ARF1: variants seen among roughly 807,000 people sequenced by gnomAD.
The protein encoded by ARF1 is ARF GTPase 1.
ARF1 carries 1 observed loss-of-function variant against 18.0 expected under a neutral mutation model. That is an observed-to-expected ratio of 0.06 (90% CI 0.02 to 0.26). The LOEUF (loss-of-function observed/expected upper bound fraction) is 0.26. Ranked by LOEUF, ARF1 falls within the 10% of genes least tolerant of loss-of-function variation. The pLI is 1.00. For missense variants in ARF1, 73 were observed against 247.2 expected (o/e 0.30, Z 4.73); for synonymous variants, 112 against 96.3 (o/e 1.16, Z -0.95).
intron 1 of ARF1, among the ~76,000 whole-genome samples, chr1:228,083,696 G>A (rs1428980396): frequency 1.3e-5 from 2 of 152,246 alleles, no homozygotes; most frequent in African/African-American, 4.8e-5. Context: ...AGGCCGCAGA[G>A]GCCGGCCCCA....
At position 228,097,514 on chromosome 1, in the gene ARF1, T is replaced by C. The variant is rs1326850236; in HGVS notation, c.259+62T>C. 3 of 1,613,194 alleles carry C rather than the reference T, an allele frequency of 1.9e-6. No homozygotes were observed. The highest frequency in any genetic ancestry group is 2.2e-5 in the East Asian group (1 of 44,844). On this transcript the variant is annotated intron_variant, in intron 3 of 4. Transcript: ENST00000272102. This position sits in a 1 kb window ranked among gnomAD's most constrained non-coding sequence, Gnocchi z 8.1. Reference sequence around the variant, plus strand: ...CTTCTAGAGAGGGGGGGCCAGCCCATAGATGGGGCATCGATGCCCATAGAT... The same window carrying C: ...CTTCTAGAGAGGGGGGGCCAGCCCACAGATGGGGCATCGATGCCCATAGAT...
chr1:228,085,199 C>T (rs568988721), intron 1 of ARF1, among the ~76,000 whole-genome samples: 29 of 152,358 alleles, frequency 1.9e-4, no homozygotes, highest in Middle Eastern at 3.4e-3. Flanking sequence ...GCATTCTGCC[C>T]GTAGCGTCTG....
chr1:228,091,398 C>T (rs1026143503), intron 1 of ARF1, among the ~76,000 whole-genome samples: 3 of 152,064 alleles, frequency 2.0e-5, no homozygotes, highest in African/African-American at 4.8e-5. Context: ...GTCACTGTGT[C>T]GAGTTGTAAT....
intron 1 of ARF1, among the ~76,000 whole-genome samples, chr1:228,086,149 A>G (rs2032390920): frequency 6.6e-6 from 1 of 152,232 alleles, no homozygotes; most frequent in South Asian, 2.1e-4. Context: ...AGTAGTTAAC[A>G]GCATCTACAG....
At position 228,097,153 on chromosome 1, in the gene ARF1, T is replaced by C. The variant is rs2032775077; in HGVS notation, c.39T>C (p.Phe13=). ...TCGCCAACCTCTTCAAGGGCCTTTT[T>C]GGCAAAAAAGAAATGCGCATCCTCA... ...NIFANLFKGL[F]GKKEMRILMV... The change falls in exon 2 of 5, where the codon TTT becomes TTC. Residue 13 remains phenylalanine, a synonymous_variant. Transcript: ENST00000272102. This position sits in a 1 kb window ranked among gnomAD's most constrained non-coding sequence, Gnocchi z 8.1. 1 of 1,613,232 alleles carries C rather than the reference T, an allele frequency of 6.2e-7. No homozygotes were observed. The highest frequency in any genetic ancestry group is 8.5e-7 in the Non-Finnish European group (1 of 1,179,644).
rs1255901998 is a variant in ARF1, at chr1:228,097,504, G to C, written c.259+52G>C. The stretch of plus-strand genomic sequence containing the variant: ...GGCACTCCTGCTTCTAGAGAGGGGG[G>C]GCCAGCCCATAGATGGGGCATCGAT... On this transcript the variant is annotated intron_variant, in intron 3 of 4. Coordinates refer to ENST00000272102, the MANE Select transcript of ARF1 (RefSeq NM_001658.4). This position sits in a 1 kb window ranked among gnomAD's most constrained non-coding sequence, Gnocchi z 8.1. 3.1e-6 allele frequency: 5 copies of C among 1,613,748 alleles called. No individual in the cohort carries two copies. The highest frequency in any genetic ancestry group is 4.2e-6 in the Non-Finnish European group (5 of 1,179,784).
intron 1 of ARF1, among the ~76,000 whole-genome samples, chr1:228,093,759 A>G (rs912514876): frequency 6.6e-6 from 1 of 151,822 alleles, no homozygotes; most frequent in African/African-American, 2.4e-5. Context: ...CCCCGTCTCT[A>G]CTAAAAATAA....
intron 1 of ARF1, among the ~76,000 whole-genome samples, chr1:228,093,074 C>T (rs2032623243): frequency 6.6e-6 from 1 of 152,188 alleles, no homozygotes; most frequent in Non-Finnish European, 1.5e-5. Context: ...CCACTGGTGG[C>T]TCCTGGCATC....
At chr1:228,095,322 G>T (rs1167987823) in intron 1 of ARF1, among the ~76,000 whole-genome samples, 1 of 152,058 alleles carries the variant, frequency 6.6e-6, no homozygotes, top group African/African-American at 2.4e-5. Flanking sequence ...CTTGTGTGTG[G>T]ATCTGCTGGG....
rs745371226 is a variant in ARF1 at position 228,097,956 on chromosome 1, C to T, written c.489C>T (p.Gly163=). Residue 163 remains glycine (G), a synonymous_variant, in exon 5 of 5, where the codon GGC becomes GGT. Coordinates refer to ENST00000272102, the MANE Select transcript of ARF1 (RefSeq NM_001658.4). This position sits in a 1 kb window ranked among gnomAD's most constrained non-coding sequence, Gnocchi z 8.1. The part of the protein sequence containing the change: ...WYIQATCATS[G]DGLYEGLDWL... ...TTCAGGCCACCTGCGCCACCAGCGGCGACGGGCTCTATGAAGGACTGGACT... is the reference window on the plus strand; with the variant it reads ...TTCAGGCCACCTGCGCCACCAGCGGTGACGGGCTCTATGAAGGACTGGACT... 5.9e-5 allele frequency: 95 copies of T among 1,614,092 alleles called. No individual in the cohort carries two copies. The highest frequency in any genetic ancestry group is 7.5e-5 in the Non-Finnish European group (88 of 1,180,054).
In ARF1 at chr1:228,098,747, A is replaced by C. The variant is rs1037689305; in HGVS notation, c.*734A>C. 2 of 152,798 alleles carry C rather than the reference A, an allele frequency of 1.3e-5. No individual in the cohort carries two copies. The highest frequency in any genetic ancestry group is 3.4e-3 in the Middle Eastern group (1 of 294). The allele number at this position is 152,798 out of a possible 1,614,324, so 9.5% of individuals were successfully genotyped here. A position where few individuals can be genotyped will look rare whatever the true frequency, so the allele number is the denominator to read the frequency against. On this transcript the variant is annotated 3_prime_UTR_variant, in exon 5 of 5. Coordinates refer to ENST00000272102, the MANE Select transcript of ARF1 (RefSeq NM_001658.4). ...CGCCCTACCCACCTTCAGGCAGCCT[A>C]TGGGACGCAGGGCCCCATCTGTCCC... is the stretch of plus-strand genomic sequence containing the variant.
chr1:228,084,841 T>C (rs1368115551), intron 1 of ARF1, among the ~76,000 whole-genome samples: 1 of 152,250 alleles, frequency 6.6e-6, no homozygotes, highest in Non-Finnish European at 1.5e-5. Context: ...AGCAGTTCTT[T>C]TTAGATTCTT....
rs1803139 is a variant in ARF1, at chr1:228,098,893, C to G, written c.*880C>G. ...GCGTGCAAGCCGGGCAGGCGGTCCA[C>G]CTAGACCCACAGCCCCTCGGGAGCA... On this transcript the variant is annotated 3_prime_UTR_variant, in exon 5 of 5. Transcript: ENST00000272102. 1.2e-4 allele frequency: 18 copies of G among 152,844 alleles called. No individual in the cohort carries two copies. Among genetic ancestry groups the G allele is most frequent in the African/African-American group, 3.6e-4 (15 of 41,592 alleles). The allele number at this position is 152,844 out of a possible 1,614,324, so 9.5% of individuals were successfully genotyped here.
At chr1:228,084,777 A>T (rs1307863949) in intron 1 of ARF1, among the ~76,000 whole-genome samples, 1 of 152,236 alleles carries the variant, frequency 6.6e-6, no homozygotes, top group Admixed American at 6.5e-5. Flanking sequence ...AGAGAAAAAA[A>T]CTTGTGCAAG....
chr1:228,089,814 G>A lies in ARF1; in HGVS notation c.-38+7049G>A, dbSNP rs2032519444. Among the ~76,000 whole-genome samples the A allele has an allele frequency of 6.6e-6, 1 of 152,132 alleles. No homozygotes were observed. Among genetic ancestry groups the A allele is most frequent in the Admixed American group, 6.5e-5 (1 of 15,282 alleles). On this transcript the variant is annotated intron_variant, in intron 1 of 4. Transcript: ENST00000272102. This position sits in a 1 kb window ranked among gnomAD's most constrained non-coding sequence, Gnocchi z 4.1. ...CTGGATCCCCCAGCCCCACACAATG[G>A]TGGGCCTATGTTCGTCCAGAACAGT...
intron 1 of ARF1, among the ~76,000 whole-genome samples, chr1:228,086,500 A>T (rs1217917791): frequency 1.3e-5 from 2 of 151,290 alleles, no homozygotes; most frequent in Admixed American, 1.3e-4. Context: ...TGGGCAACAG[A>T]GCGAGACTTT....
At position 228,097,568 on chromosome 1, in the gene ARF1, A is replaced by G. The variant is rs754126054; in HGVS notation, c.260-23A>G. 3 of 1,613,948 alleles carry G rather than the reference A, an allele frequency of 1.9e-6. No homozygotes were observed. Among genetic ancestry groups the G allele is most frequent in the East Asian group, 2.2e-5 (1 of 44,870 alleles). On this transcript the variant is annotated intron_variant, in intron 3 of 4. Coordinates refer to ENST00000272102, the MANE Select transcript of ARF1 (RefSeq NM_001658.4). The surrounding 1 kb of genome is among the most constrained non-coding windows in gnomAD (Gnocchi z 8.1). ...GCAGGGGGGCTGTGTTCCCATGACC[A>G]TTTGACACTGGCTGCCCGGCAGGCC...
intron 1 of ARF1, among the ~76,000 whole-genome samples, chr1:228,092,162 C>T (rs1288425919): frequency 3.3e-5 from 5 of 152,132 alleles, no homozygotes; most frequent in African/African-American, 1.2e-4. Context: ...TGAAAAAGAA[C>T]TCTGGGTGGG....
Position 228,092,574 on chromosome 1 carries a change from T to C in ARF1, c.-37-4504T>C, listed in dbSNP as rs562882116. Among the ~76,000 whole-genome samples the C allele has an allele frequency of 7.2e-5, 11 of 152,318 alleles. No individual in the cohort carries two copies. The South Asian group carries it at 1.9e-3, about 26-fold the overall frequency. On this transcript the variant is annotated intron_variant, in intron 1 of 4. Coordinates refer to ENST00000272102, the MANE Select transcript of ARF1 (RefSeq NM_001658.4). ...GAGCTTGTTTGTCCTGTGCTAGAGG[T>C]TGGAGGTGTCTCTGTCTTTCTGTTG...
Sources: allele counts gnomAD v4.1 joint callset (sites outside exome capture counted in the v4.1 genomes callset), GRCh38; gene constraint gnomAD v4.1.1; non-coding constraint Gnocchi (gnomAD v3.1); transcripts MANE v1.5; gene names NCBI Gene and HGNC (gene_info 2026-07-23, HGNC 2026-07-21).